Variants in PDE4D observed in about 807,000 individuals in gnomAD.
The protein encoded by PDE4D is 3',5'-cyclic-AMP phosphodiesterase 4D.
PDE4D carries 24 observed loss-of-function variants against 87.4 expected under a neutral mutation model. The observed-to-expected ratio is 0.27, with a 90% CI of 0.20 to 0.39. PDE4D has a LOEUF of 0.39. PDE4D is among the 10% of genes least tolerant of loss of function. The pLI is 1.00. For missense variants in PDE4D, 714 were observed against 1,041.0 expected (o/e 0.69, Z 4.32); for synonymous variants, 384 against 383.2 (o/e 1.00, Z -0.02).
intron 1 of PDE4D, among the ~76,000 whole-genome samples, chr5:59,783,670 T>G (rs2152631709): frequency 1.3e-5 from 2 of 152,324 alleles, no homozygotes; most frequent in African/African-American, 4.8e-5. Context: ...TAAATTGGAG[T>G]AAGATTCCAT....
At chr5:59,610,329 T>A (rs1828821679) in intron 1 of PDE4D, among the ~76,000 whole-genome samples, 1 of 152,200 alleles carries the variant, frequency 6.6e-6, no homozygotes, top group African/African-American at 2.4e-5. Context: ...CTAATTTATA[T>A]CTACCAGCTT....
chr5:59,190,363 C>A (rs1374443048), intron 3 of PDE4D, among the ~76,000 whole-genome samples: 1 of 151,978 alleles, frequency 6.6e-6, no homozygotes, highest in Non-Finnish European at 1.5e-5. Context: ...AACTTTTATG[C>A]AAAAAGTTTT....
At chr5:60,186,735 G>A (rs1274744423) in intron 1 of PDE4D, among the ~76,000 whole-genome samples, 1 of 152,148 alleles carries the variant, frequency 6.6e-6, no homozygotes, top group Non-Finnish European at 1.5e-5. Flanking sequence ...GAGTAACAGT[G>A]ATTAAGGTCT....
intron 1 of PDE4D, among the ~76,000 whole-genome samples, chr5:59,667,855 G>A (rs141983687): frequency 9.2e-5 from 14 of 152,218 alleles, no homozygotes; most frequent in Non-Finnish European, 1.8e-4. Flanking sequence ...ATCTTCCTGC[G>A]GCATTCCATC....
intron 1 of PDE4D, among the ~76,000 whole-genome samples, chr5:59,745,013 T>C (rs541576657): frequency 2.0e-5 from 3 of 152,280 alleles, no homozygotes; most frequent in Admixed American, 6.5e-5. Context: ...ATGTGAAGGG[T>C]AAAATCTGTA....
At chr5:59,548,566 A>G (rs1030918564) in intron 1 of PDE4D, among the ~76,000 whole-genome samples, 1 of 152,200 alleles carries the variant, frequency 6.6e-6, no homozygotes, top group Non-Finnish European at 1.5e-5. Flanking sequence ...ATAAATAAAT[A>G]AAAATCTAAG....
chr5:59,335,705 G>A (rs959269321), intron 1 of PDE4D, among the ~76,000 whole-genome samples: 1 of 152,234 alleles, frequency 6.6e-6, no homozygotes, highest in South Asian at 2.1e-4. Flanking sequence ...TGAAAGGACC[G>A]GAAAATTCCT....
chr5:59,470,229 G>C (rs926576196), intron 1 of PDE4D, among the ~76,000 whole-genome samples: 1 of 152,088 alleles, frequency 6.6e-6, no homozygotes, highest in African/African-American at 2.4e-5. Context: ...AAACTGCAGG[G>C]ACAGAGATAG....
chr5:59,732,187 C>A (rs1292667634), intron 1 of PDE4D, among the ~76,000 whole-genome samples: 1 of 152,004 alleles, frequency 6.6e-6, no homozygotes, highest in Admixed American at 6.6e-5. Flanking sequence ...TCCTATAGTT[C>A]TCTTGTAATT....
At chr5:59,962,580 T>C (rs1176861427) in intron 3 of PDE4D, among the ~76,000 whole-genome samples, 2 of 152,148 alleles carry the variant, frequency 1.3e-5, no homozygotes, top group South Asian at 2.1e-4. Flanking sequence ...TATATGACAT[T>C]ACAAAACTTT....
At chr5:60,086,070 G>A (rs942564536) in intron 2 of PDE4D, among the ~76,000 whole-genome samples, 4 of 152,156 alleles carry the variant, frequency 2.6e-5, no homozygotes, top group Admixed American at 2.6e-4. Context: ...GTTTGGAAAT[G>A]CAATACCTTT....
At chr5:58,984,856 C>A (rs990710272) in intron 11 of PDE4D, among the ~76,000 whole-genome samples, 1 of 151,894 alleles carries the variant, frequency 6.6e-6, no homozygotes, top group Non-Finnish European at 1.5e-5. Context: ...TTAAATATAC[C>A]CTCCAGCATT....
chr5:59,030,422 C>CAAAAA (rs373275661), intron 6 of PDE4D, among the ~76,000 whole-genome samples: 267 of 58,140 alleles, frequency 4.6e-3, no homozygotes, highest in Middle Eastern at 0.015. Context: ...AACAGAGATA[C>CAAAAA]AAAAAAAAAA....
chr5:60,155,975 T>C (rs1475297943), intron 2 of PDE4D, among the ~76,000 whole-genome samples: 2 of 152,210 alleles, frequency 1.3e-5, no homozygotes, highest in Non-Finnish European at 2.9e-5. Context: ...AATGAAAGAA[T>C]GAGGAACTTG....
intron 1 of PDE4D, among the ~76,000 whole-genome samples, chr5:59,779,085 C>A (rs1333075491): frequency 6.6e-6 from 1 of 151,798 alleles, no homozygotes; most frequent in Non-Finnish European, 1.5e-5. Flanking sequence ...TCTCTTGGAC[C>A]TAGGAGGCGG....
intron 1 of PDE4D, among the ~76,000 whole-genome samples, chr5:59,254,815 C>A (rs1024797469): frequency 2.0e-5 from 3 of 152,076 alleles, no homozygotes; most frequent in Non-Finnish European, 4.4e-5. Flanking sequence ...TAAGTGCATA[C>A]GCAGAAAGAT....
intron 3 of PDE4D, among the ~76,000 whole-genome samples, chr5:59,969,885 C>G (rs187926869): frequency 6.6e-6 from 1 of 152,116 alleles, no homozygotes; most frequent in Non-Finnish European, 1.5e-5. Flanking sequence ...TAAATTACCC[C>G]GTCTAGGGCA....
intron 1 of PDE4D, among the ~76,000 whole-genome samples, chr5:60,344,722 T>C (rs1019599454): frequency 6.6e-6 from 1 of 152,172 alleles, no homozygotes; most frequent in African/African-American, 2.4e-5. Flanking sequence ...ATGAATTTAC[T>C]CAATTTTAAT....
intron 2 of PDE4D, among the ~76,000 whole-genome samples, chr5:60,004,444 A>T (rs541279546): frequency 6.6e-6 from 1 of 152,254 alleles, no homozygotes; most frequent in African/African-American, 2.4e-5. Flanking sequence ...AATACTATGT[A>T]AACACTATGT....
Sources: allele counts gnomAD v4.1 joint callset (sites outside exome capture counted in the v4.1 genomes callset), GRCh38; gene constraint gnomAD v4.1.1; transcripts MANE v1.5; gene names NCBI Gene and HGNC (gene_info 2026-07-23, HGNC 2026-07-21).